TDRD12: variants seen among roughly 807,000 people sequenced by gnomAD.
The protein encoded by TDRD12 is tudor domain containing 12, also known as putative ATP-dependent RNA helicase TDRD12.
Under a neutral mutation model 133.5 loss-of-function variants are expected in TDRD12, and 158 were observed. That is an observed-to-expected ratio of 1.18 (90% CI 1.04 to 1.35). TDRD12 has a LOEUF of 1.35. TDRD12 is among the 40% of genes most tolerant of loss of function. The probability of loss-of-function intolerance (pLI) is 0.00; values close to 1 mark genes in which losing one functional copy is unlikely to be tolerated. For synonymous variants in TDRD12, 460 were observed against 477.9 expected (o/e 0.96, Z 0.49); for missense variants, 1,443 against 1,321.3 (o/e 1.09, Z -1.43).
chr19:32,791,076 T>A lies in TDRD12; in HGVS notation c.1287+8T>A. 6.6e-7 allele frequency: 1 copy of A among 1,525,342 alleles called. No homozygotes were observed. Among genetic ancestry groups the A allele is most frequent in the Non-Finnish European group, 8.7e-7 (1 of 1,143,450 alleles). 94.5% of individuals were successfully genotyped at this position (1,525,342 alleles called of 1,614,324 possible). A position where few individuals can be genotyped will look rare whatever the true frequency, so the allele number is the denominator to read the frequency against. On this transcript the variant is annotated splice_region_variant and intron_variant, in intron 13 of 27. Transcript: ENST00000444215. ...TCAGCAGACCTGAAGAAGGTAAAAG[T>A]GCTCGTAAAACTGAATTTATCAAGA...
rs932599695 is a variant in TDRD12 at position 32,749,945 on chromosome 19, G to A, written c.582+76G>A. The A allele has an allele frequency of 3.7e-5, 39 of 1,068,306 alleles. No homozygotes were observed. The South Asian group carries it at 3.7e-4, about 10-fold the overall frequency. The allele number at this position is 1,068,306 out of a possible 1,614,324, so 66.2% of individuals were successfully genotyped here. A position where few individuals can be genotyped will look rare whatever the true frequency, so the allele number is the denominator to read the frequency against. On this transcript the variant is annotated intron_variant, in intron 6 of 27. Coordinates refer to ENST00000444215, the Ensembl canonical transcript of TDRD12. ...TTTAATAAAACAGAATAAATGCCAA[G>A]AAAAACACTGTAGTTCGTACAGCAT...
chr19:32,746,931 A>G (rs1246255320), intron 4 of TDRD12, among the ~76,000 whole-genome samples: 3 of 102,500 alleles, frequency 2.9e-5, no homozygotes, highest in Non-Finnish European at 5.5e-5. Context: ...TGATGTGGCT[A>G]TTCTGTGAGA....
intron 14 of TDRD12, among the ~76,000 whole-genome samples, chr19:32,797,079 C>T (rs1318979778): frequency 3.3e-5 from 5 of 150,776 alleles, no homozygotes; most frequent in African/African-American, 1.2e-4. Context: ...CTCCCGGGTT[C>T]AAGCAATTCT....
chr19:32,797,622 A>G (rs1310117090), intron 14 of TDRD12, 113 bp from the exon 15 acceptor site: 29 of 544,860 alleles, frequency 5.3e-5, no homozygotes. Flanking sequence ...TGATGATTAT[A>G]GCAGAAACTT....
intron 4 of TDRD12, among the ~76,000 whole-genome samples, chr19:32,746,908 G>A (rs34687315): frequency 0.24 from 33,513 of 142,566 alleles, 4,572 homozygotes; most frequent in Middle Eastern, 0.31. Flanking sequence ...GAGAGAGAGA[G>A]GGAGAGACTG....
intron 25 of TDRD12, among the ~76,000 whole-genome samples, chr19:32,814,662 A>G (rs1967115595): frequency 6.6e-6 from 1 of 152,230 alleles, no homozygotes; most frequent in Admixed American, 6.5e-5. Flanking sequence ...GAAGTAAAAA[A>G]GAAAGCCCAC....
At position 32,827,157 on chromosome 19, in the gene TDRD12, C is replaced by A; in HGVS notation, c.1050-7C>A. 8.3e-7 allele frequency: 1 copy of A among 1,199,086 alleles called. No individual in the cohort carries two copies. The highest frequency in any genetic ancestry group is 1.0e-6 in the Non-Finnish European group (1 of 957,992). The allele number at this position is 1,199,086 out of a possible 1,614,324, so 74.3% of individuals were successfully genotyped here. ...CACTTATTTGTTATAATATCTTACT[C>A]CTTTAGTAGTGAATTCTAAAAACCT... On this transcript the variant is annotated splice_region_variant and splice_polypyrimidine_tract_variant and intron_variant, in intron 9 of 9. Coordinates refer to the TDRD12 transcript ENST00000637289.
chr19:32,729,778 CTTTTTTTTTTT>C (rs1162347194), intron 1 of TDRD12, among the ~76,000 whole-genome samples: 31 of 73,656 alleles, frequency 4.2e-4, no homozygotes, highest in Admixed American at 7.2e-4. Flanking sequence ...TTTTCTTTTT[CTTTTTTTTTTT>C]TTTTTTTTTT....
At chr19:32,817,873 TC>T (rs1967235422) in intron 26 of TDRD12, among the ~76,000 whole-genome samples, 1 of 144,928 alleles carries the variant, frequency 6.9e-6, no homozygotes, top group Admixed American at 7.2e-5. Context: ...ACATCCTAAT[TC>T]CCCAGTCTCT....
chr19:32,824,001 C>T (rs2145768647), downstream of TDRD12: 1 of 152,466 alleles, frequency 6.6e-6, no homozygotes, highest in South Asian at 2.1e-4. Flanking sequence ...CTGAGCTCTA[C>T]TGGGAAGCTC....
intron 13 of TDRD12, among the ~76,000 whole-genome samples, chr19:32,793,462 T>G (rs1164930236): frequency 6.6e-6 from 1 of 152,102 alleles, no homozygotes; most frequent in African/African-American, 2.4e-5. Flanking sequence ...CAATACCAAG[T>G]GCAGAGCATG....
At chr19:32,719,977 G>T in exon 1 of TDRD12, 2 of 1,454,896 alleles carry the variant, frequency 1.4e-6, no homozygotes, top group Admixed American at 4.0e-5. Context: ...CGCACTCGCG[G>T]CGGGGGCCTG....
rs1599631796 is a variant in TDRD12 at position 32,821,020 on chromosome 19, C to T, written c.3384-13C>T. ...TAGAGAGCCAGGTGTTAACCCCTGC[C>T]TCTCCCGTCTAGGACGCCTCCAGCA... On this transcript the variant is annotated splice_polypyrimidine_tract_variant and intron_variant, in intron 27 of 27. Coordinates refer to ENST00000444215, the Ensembl canonical transcript of TDRD12. 6.5e-7 allele frequency: 1 copy of T among 1,534,158 alleles called. No homozygotes were observed.
chr19:32,783,078 A>G (rs1970813944), intron 11 of TDRD12, among the ~76,000 whole-genome samples: 1 of 152,188 alleles, frequency 6.6e-6, no homozygotes, highest in Non-Finnish European at 1.5e-5. Flanking sequence ...GTTTTCTTCT[A>G]GGATTTTTAT....
intron 1 of TDRD12, 136 bp downstream of exon 1, chr19:32,720,232 C>T (rs1968586693): frequency 2.3e-6 from 2 of 862,344 alleles, no homozygotes; most frequent in Non-Finnish European, 3.5e-6. Flanking sequence ...AGCCTCCCAC[C>T]CCCGACCCCA....
chr19:32,726,083 ATTTTTTT>A (rs767630780), intron 1 of TDRD12, among the ~76,000 whole-genome samples: 5 of 144,568 alleles, frequency 3.5e-5, no homozygotes, highest in African/African-American at 1.3e-4. Context: ...TACATTCATA[ATTTTTTT>A]TTTTTTTTGA....
Position 32,751,167 on chromosome 19 carries a change from T to C in TDRD12, c.582+1298T>C, listed in dbSNP as rs550019014. ...TTCCCCCAGTGTCCATGTGTTCTCA[T>C]CATTTAGCTGCCACTTATAAGCGAG... On this transcript the variant is annotated intron_variant, in intron 6 of 27. Coordinates refer to ENST00000444215, the Ensembl canonical transcript of TDRD12. 2.2e-5 allele frequency among the ~76,000 whole-genome samples: 3 copies of C among 137,904 alleles called. No homozygotes were observed. In the East Asian group the frequency reaches 7.3e-4, roughly 33 times the overall value. 90.5% of individuals were successfully genotyped at this position (137,904 alleles called of 152,430 possible).
At chr19:32,748,817 C>T (rs891693159) in intron 5 of TDRD12, among the ~76,000 whole-genome samples, 2 of 152,184 alleles carry the variant, frequency 1.3e-5, no homozygotes, top group South Asian at 2.1e-4. Flanking sequence ...ATAAAAGCTG[C>T]GGCGCTGCAA....
At chr19:32,777,020 C>G (rs937931384) in intron 10 of TDRD12, 129 bp from the exon 11 acceptor site, 2 of 612,294 alleles carry the variant, frequency 3.3e-6, no homozygotes, top group Admixed American at 6.7e-5. Flanking sequence ...TCCCGAGTTG[C>G]TGGGACTATA....
Sources: gnomAD v4.1 joint callset for allele counts (sites outside exome capture counted in the v4.1 genomes callset) on GRCh38, gnomAD v4.1.1 for gene constraint, MANE v1.5 for transcripts, NCBI Gene and HGNC (gene_info 2026-07-23, HGNC 2026-07-21) for gene names.